Variants in SPSB3 observed in about 807,000 individuals in gnomAD.
SPSB3 encodes splA/ryanodine receptor domain and SOCS box containing 3.
SPSB3 carries 18 observed loss-of-function variants against 29.5 expected under a neutral mutation model. That is an observed-to-expected ratio of 0.61 (90% CI 0.42 to 0.91). The LOEUF (loss-of-function observed/expected upper bound fraction) is 0.91, where lower values mean the gene tolerates loss of function less well. Ranked by LOEUF, SPSB3 falls within the 40% of genes least tolerant of loss-of-function variation. SPSB3 has a pLI of 0.00. For synonymous variants in SPSB3, 299 were observed against 214.1 expected (o/e 1.40, Z -3.46); for missense variants, 540 against 507.5 (o/e 1.06, Z -0.61).
chr16:1,781,311 C>G, intron 2 of SPSB3, 47 bp downstream of exon 2: 2 of 1,612,794 alleles, frequency 1.2e-6, no homozygotes. Flanking sequence ...CCTAGGGCAT[C>G]TCCACACCTT....
rs758036139 is a variant in SPSB3 at position 1,777,796 on chromosome 16, C to T, written c.672G>A (p.Leu224=). 2 of 1,612,798 alleles carry T rather than the reference C, an allele frequency of 1.2e-6. No homozygotes were observed. Among genetic ancestry groups the T allele is most frequent in the Non-Finnish European group, 1.7e-6 (2 of 1,179,938 alleles). ...AGGTGAGTGTGCCGTGCCAGGTGTC[C>T]AGGTGCACGCCAATGATGGAGCCCT... The part of the protein sequence containing the change: ...FGQGSIIGVH[L]DTWHGTLTFF... The change falls in exon 6 of 7, where the codon CTG becomes CTA. Residue 224 remains leucine, a synonymous_variant. Coordinates refer to ENST00000566339, the MANE Select transcript of SPSB3 (RefSeq NM_080861.4).
At chr16:1,781,288 G>C in intron 2 of SPSB3, 70 bp downstream of exon 2, 2 of 1,612,136 alleles carry the variant, frequency 1.2e-6, no homozygotes, top group Non-Finnish European at 1.7e-6. Context: ...TTCAGGTAAT[G>C]TCTGCCTGCC....
At chr16:1,778,651 C>A (rs943116217) in intron 2 of SPSB3, 39 bp from the exon 3 acceptor site, 2 of 1,516,658 alleles carry the variant, frequency 1.3e-6, no homozygotes, top group Non-Finnish European at 1.8e-6. Context: ...CTGTTGCCCG[C>A]TCTCTACCCT....
rs374401684 is a variant in SPSB3 at position 1,781,319 on chromosome 16, C to A, written c.126+39G>T. ...CTGCCTGCCTAGGGCATCTCCACAC[C>A]TTAGGCCAGCCACGTCCGCCTCGCC... On this transcript the variant is annotated intron_variant, in intron 2 of 6. Transcript: ENST00000566339. 1.9e-4 allele frequency: 314 copies of A among 1,612,712 alleles called. 1 individual carries two copies. Among genetic ancestry groups the A allele is most frequent in the Non-Finnish European group, 2.6e-4 (301 of 1,179,990 alleles).
chr16:1,778,462 C>T lies in SPSB3; in HGVS notation c.277G>A (p.Asp93Asn), dbSNP rs1458122719. The change falls in exon 3 of 7, where the codon GAC (aspartate) becomes AAC (asparagine). Residue 93 changes from aspartate to asparagine, a missense_variant. By Grantham distance (23) the Asp-to-Asn change is conservative. Transcript: ENST00000566339. ...SSLHSAHRGRDCRCGEEDEYF... is the reference protein window; with the variant it reads ...SSLHSAHRGRNCRCGEEDEYF... ...TCGTCTTCCTCTCCGCAGCGGCAGT[C>T]CCTGCCCCGGTGGGCCGAGTGCAGG... The T allele has an allele frequency of 6.2e-7, 1 of 1,611,146 alleles. No individual in the cohort carries two copies.
chr16:1,782,050 C>G (rs1408529764), intron 1 of SPSB3: 1 of 163,672 alleles, frequency 6.1e-6, no homozygotes, highest in Non-Finnish European at 1.4e-5. Context: ...GCGCTGGCCG[C>G]TGTTATGGTA....
chr16:1,776,728 A>G lies in SPSB3; in HGVS notation c.*369T>C, dbSNP rs2042718384. The G allele has an allele frequency of 2.9e-6, 1 of 341,214 alleles. No individual in the cohort carries two copies. Among genetic ancestry groups the G allele is most frequent in the African/African-American group, 2.1e-5 (1 of 47,158 alleles). The allele number at this position is 341,214 out of a possible 1,614,324, so 21.1% of individuals were successfully genotyped here. A position where few individuals can be genotyped will look rare whatever the true frequency, so the allele number is the denominator to read the frequency against. On this transcript the variant is annotated 3_prime_UTR_variant, in exon 7 of 7. Coordinates refer to ENST00000566339, the MANE Select transcript of SPSB3 (RefSeq NM_080861.4). ...CACGCCATGTGGGTGTTAGACATCA[A>G]CTCTACATTTATTGCAGTCCTTTAA...
rs757608224 is a variant in SPSB3 at position 1,777,211 on chromosome 16, G to A, written c.954C>T (p.Ser318=). The change falls in exon 7 of 7, where the codon AGC becomes AGT. Residue 318 remains serine (S), a synonymous_variant. Transcript: ENST00000566339. Reference sequence around the variant, plus strand: ...GAGCCTTGCGGCGGCTGCAACTCATGCTCAGGACCCAGCCCAGCTTGTTGT... The same window carrying A: ...GAGCCTTGCGGCGGCTGCAACTCATACTCAGGACCCAGCCCAGCTTGTTGT... ...VLHNKLGWVL[S]MSCSRRKAPV... is the part of the protein sequence containing the mutation. 1 of 1,610,502 alleles carries A rather than the reference G, an allele frequency of 6.2e-7. No individual in the cohort carries two copies.
chr16:1,777,509 C>T lies in SPSB3; in HGVS notation c.722-66G>A, dbSNP rs1764178332. On this transcript the variant is annotated intron_variant, in intron 6 of 6. Coordinates refer to ENST00000566339, the MANE Select transcript of SPSB3 (RefSeq NM_080861.4). ...GGGCCAGCTACTGGGCGCAGCCCCT[C>T]AGACCTCACGCTACAGTCACCCGGG... 3.5e-6 allele frequency: 5 copies of T among 1,423,600 alleles called. No individual in the cohort carries two copies. In the Admixed American group the frequency reaches 7.7e-5, roughly 22 times the overall value. The allele number at this position is 1,423,600 out of a possible 1,614,324, so 88.2% of individuals were successfully genotyped here.
intron 2 of SPSB3, chr16:1,780,023 G>T (rs1032396650): frequency 1.3e-5 from 2 of 152,364 alleles, no homozygotes; most frequent in African/African-American, 2.4e-5. Flanking sequence ...TCCTCACTCA[G>T]AGGAGAGGAG....
intron 2 of SPSB3, chr16:1,779,947 C>T (rs949333756): frequency 3.9e-5 from 6 of 152,168 alleles, no homozygotes; most frequent in Admixed American, 1.3e-4. Context: ...GGCCCCCACC[C>T]GGTGGGTAAG....
intron 2 of SPSB3, chr16:1,780,509 A>G (rs1268567511): frequency 1.3e-5 from 2 of 152,486 alleles, no homozygotes; most frequent in Non-Finnish European, 2.9e-5. Context: ...CAGACAGACA[A>G]ACACCTGAGC....
chr16:1,777,667 G>T, intron 6 of SPSB3, 80 bp downstream of exon 6: 2 of 1,575,410 alleles, frequency 1.3e-6, no homozygotes, highest in South Asian at 2.3e-5. Flanking sequence ...GAAAACCTCA[G>T]TGTCCCCTGG....
Position 1,781,210 on chromosome 16 carries a change from G to T in SPSB3, c.126+148C>A, listed in dbSNP as rs1007203167. 1.9e-6 allele frequency: 3 copies of T among 1,568,868 alleles called. No homozygotes were observed. The Admixed American group carries it at 5.5e-5, about 29-fold the overall frequency. On this transcript the variant is annotated intron_variant, in intron 2 of 6. Transcript: ENST00000566339. Reference sequence around the variant, plus strand: ...AGTCTTACTGAATGCGGTGCATCCAGGAGACAGGCCCAGGTTTGGACTGGT... The same window carrying T: ...AGTCTTACTGAATGCGGTGCATCCATGAGACAGGCCCAGGTTTGGACTGGT...
Position 1,776,877 on chromosome 16 carries a change from G to C in SPSB3, c.*220C>G. 1 of 578,160 alleles carries C rather than the reference G, an allele frequency of 1.7e-6. No homozygotes were observed. The highest frequency in any genetic ancestry group is 3.0e-6 in the Non-Finnish European group (1 of 334,072). 35.8% of individuals were successfully genotyped at this position (578,160 alleles called of 1,614,324 possible). ...TCCTCGCAGCCTCCCACAAGACCTG[G>C]GGCTCAGGGCAGCCGCTTCCCCACC... On this transcript the variant is annotated 3_prime_UTR_variant, in exon 7 of 7. Coordinates refer to ENST00000566339, the MANE Select transcript of SPSB3 (RefSeq NM_080861.4).
chr16:1,778,559 G>C lies in SPSB3; in HGVS notation c.180C>G (p.Pro60=), dbSNP rs772109915. Residue 60 remains proline (P), a synonymous_variant, in exon 3 of 7, where the codon CCC becomes CCG. Transcript: ENST00000566339. ...PEYSTLPPSI[P]SAVPVTGESF... Reference sequence around the variant, plus strand: ...ACTCGCCGGTCACGGGCACCGCACTGGGGATGGATGGCGGCAGCGTGGAGT... The same window carrying C: ...ACTCGCCGGTCACGGGCACCGCACTCGGGATGGATGGCGGCAGCGTGGAGT... 26 of 1,600,886 alleles carry C rather than the reference G, an allele frequency of 1.6e-5. No individual in the cohort carries two copies. Among genetic ancestry groups the C allele is most frequent in the Non-Finnish European group, 2.2e-5 (26 of 1,171,640 alleles).
rs2042719369 is a variant in SPSB3, at chr16:1,776,778, G to A, written c.*319C>T. On this transcript the variant is annotated 3_prime_UTR_variant, in exon 7 of 7. Coordinates refer to ENST00000566339, the MANE Select transcript of SPSB3 (RefSeq NM_080861.4). Reference sequence around the variant, plus strand: ...AGTCTATGACGGCGGGGCAGCCGCTGACAGCATGCAGAGCAAGTTAGGAAA... The same window carrying A: ...AGTCTATGACGGCGGGGCAGCCGCTAACAGCATGCAGAGCAAGTTAGGAAA... 2 of 456,918 alleles carry A rather than the reference G, an allele frequency of 4.4e-6. No individual in the cohort carries two copies. The highest frequency in any genetic ancestry group is 3.8e-5 in the East Asian group (1 of 26,272). The allele number at this position is 456,918 out of a possible 1,614,324, so 28.3% of individuals were successfully genotyped here.
Position 1,777,122 on chromosome 16 carries a change from TGGCAGGGCCGA to T in SPSB3, c.1032_1042del (p.Arg345GlufsTer44). On this transcript the variant is annotated frameshift_variant, in exon 7 of 7. Coordinates refer to ENST00000566339, the MANE Select transcript of SPSB3 (RefSeq NM_080861.4). LOFTEE classifies it high-confidence loss of function. ...TCAGGTCCGGCGGCAGCGCTTCCTCTGGCAGGGCCGAGGCTCGCGACTGCTGGGGTGGGCGG... is the reference window on the plus strand; with the variant it reads ...TCAGGTCCGGCGGCAGCGCTTCCTCTGGCTCGCGACTGCTGGGGTGGGCGG... 1 of 1,611,446 alleles carries T rather than the reference TGGCAGGGCCGA, an allele frequency of 6.2e-7. No homozygotes were observed. Among genetic ancestry groups the T allele is most frequent in the Admixed American group, 1.7e-5 (1 of 59,950 alleles).
In SPSB3 at chr16:1,777,763, C is replaced by T; in HGVS notation, c.705G>A (p.Lys235=). 1 of 1,612,644 alleles carries T rather than the reference C, an allele frequency of 6.2e-7. No homozygotes were observed. Among genetic ancestry groups the T allele is most frequent in the Non-Finnish European group, 8.5e-7 (1 of 1,179,920 alleles). The change falls in exon 6 of 7, where the codon AAG becomes AAA. Residue 235 remains lysine (K), a synonymous_variant. Coordinates refer to ENST00000566339, the MANE Select transcript of SPSB3 (RefSeq NM_080861.4). The stretch of plus-strand genomic sequence containing the variant: ...CGGCCTCACCTATACACTTCCTGTT[C>T]TTGAAAAAGGTGAGTGTGCCGTGCC... ...DTWHGTLTFF[K]NRKCIGVAAT...
Sources: gnomAD v4.1 joint callset for allele counts on GRCh38, gnomAD v4.1.1 for gene constraint, MANE v1.5 for transcripts, NCBI Gene and HGNC (gene_info 2026-07-23, HGNC 2026-07-21) for gene names.